Variants in ITGA11 observed in about 807,000 individuals in gnomAD.
The protein encoded by ITGA11 is integrin alpha-11.
In ITGA11, 97 loss-of-function variants were observed where a neutral mutation model predicts 141.9. The observed-to-expected ratio is 0.68, with a 90% confidence interval of 0.58 to 0.81. The LOEUF (loss-of-function observed/expected upper bound fraction) is 0.81. Ranked by LOEUF, ITGA11 falls within the 30% of genes least tolerant of loss-of-function variation. The probability of loss-of-function intolerance (pLI) is 0.00; values close to 1 mark genes in which losing one functional copy is unlikely to be tolerated. For synonymous variants in ITGA11, 658 were observed against 624.6 expected (o/e 1.05, Z -0.80); for missense variants, 1,387 against 1,559.2 (o/e 0.89, Z 1.86).
chr15:68,411,912 C>T (rs557854190), intron 1 of ITGA11, among the ~76,000 whole-genome samples: 43 of 152,062 alleles, frequency 2.8e-4, no homozygotes, highest in African/African-American at 8.9e-4. Context: ...GAGAGATATT[C>T]GGAGCAGAGC....
intron 2 of ITGA11, among the ~76,000 whole-genome samples, chr15:68,393,445 A>C (rs1376305414): frequency 6.6e-6 from 1 of 152,208 alleles, no homozygotes; most frequent in Non-Finnish European, 1.5e-5. Context: ...CAAACTGCTG[A>C]CATTAAAGGC....
chr15:68,362,901 T>C (rs1479934941), intron 4 of ITGA11, among the ~76,000 whole-genome samples: 3 of 151,694 alleles, frequency 2.0e-5, no homozygotes, highest in East Asian at 1.9e-4. Flanking sequence ...GGATGATAGA[T>C]GGTTGATGGA....
At chr15:68,406,045 G>C (rs1248447927) in intron 1 of ITGA11, among the ~76,000 whole-genome samples, 1 of 152,160 alleles carries the variant, frequency 6.6e-6, no homozygotes, top group Non-Finnish European at 1.5e-5. Flanking sequence ...GAAAAGGAAA[G>C]TATGTTCTAG....
intron 1 of ITGA11, among the ~76,000 whole-genome samples, chr15:68,404,776 T>G (rs1248523316): frequency 6.6e-6 from 1 of 152,174 alleles, no homozygotes; most frequent in South Asian, 2.1e-4. Context: ...ACGCATTAAA[T>G]TTGAGGGGTG....
intron 21 of ITGA11, among the ~76,000 whole-genome samples, chr15:68,316,734 G>A (rs1037705033): frequency 3.3e-5 from 5 of 152,284 alleles, no homozygotes; most frequent in East Asian, 3.9e-4. Flanking sequence ...CCTCAATTAG[G>A]TCTCCTACTC....
chr15:68,309,474 T>G (rs1893307430), intron 26 of ITGA11, among the ~76,000 whole-genome samples: 1 of 152,138 alleles, frequency 6.6e-6, no homozygotes, highest in Admixed American at 6.5e-5. Flanking sequence ...AATTAAATTT[T>G]ACTTCTCAAC....
chr15:68,310,087 T>C (rs747897320), intron 26 of ITGA11, among the ~76,000 whole-genome samples: 2 of 152,132 alleles, frequency 1.3e-5, no homozygotes, highest in Non-Finnish European at 2.9e-5. Context: ...ACAATCAAAA[T>C]AAAAATAAAT....
chr15:68,350,530 G>T, intron 9 of ITGA11, 87 bp downstream of exon 9: 1 of 1,323,856 alleles, frequency 7.6e-7, no homozygotes, highest in South Asian at 1.5e-5. Flanking sequence ...AAGCCATTTC[G>T]TTTTGTGGGA....
Position 68,338,591 on chromosome 15 carries a change from T to C in ITGA11, c.1276+909A>G, listed in dbSNP as rs560907240. ...ATTTTGCCCTTTTGTCAGCTGAGGG[T>C]CCCATGGTTGGGGATAGAAAACAGG... On this transcript the variant is annotated intron_variant, in intron 11 of 29. Transcript: ENST00000315757. Among the ~76,000 whole-genome samples, 101 of 152,336 alleles carry C rather than the reference T, an allele frequency of 6.6e-4. 1 individual carries two copies. The highest frequency in any genetic ancestry group is 1.3e-3 in the Non-Finnish European group (87 of 68,022).
At chr15:68,407,960 G>A (rs919324967) in intron 1 of ITGA11, among the ~76,000 whole-genome samples, 7 of 152,218 alleles carry the variant, frequency 4.6e-5, no homozygotes, top group Non-Finnish European at 7.3e-5. Flanking sequence ...CTTAAGGAGC[G>A]TCTGCTGTGC....
At chr15:68,337,717 C>A (rs1202446192) in intron 11 of ITGA11, among the ~76,000 whole-genome samples, 2 of 137,236 alleles carry the variant, frequency 1.5e-5, no homozygotes, top group Non-Finnish European at 3.2e-5. Context: ...CAGATATGTT[C>A]AGCTCCCTGT....
chr15:68,329,078 C>T (rs1894074223), intron 15 of ITGA11, among the ~76,000 whole-genome samples: 1 of 152,210 alleles, frequency 6.6e-6, no homozygotes, highest in African/African-American at 2.4e-5. Context: ...TGCCAATACT[C>T]TGTTCTTCTT....
At chr15:68,376,701 G>C (rs750031908) in intron 2 of ITGA11, among the ~76,000 whole-genome samples, 31 of 152,352 alleles carry the variant, frequency 2.0e-4, no homozygotes, top group Non-Finnish European at 3.8e-4. Context: ...GCAGGGGAAG[G>C]CAAGGTCATT....
chr15:68,315,514 C>T (rs1893542013), intron 22 of ITGA11, 137 bp downstream of exon 22: 1 of 765,374 alleles, frequency 1.3e-6, no homozygotes, highest in East Asian at 2.7e-5. Context: ...ACCCCACTGC[C>T]TCCACTCAAG....
At chr15:68,371,607 A>G (rs1446215562) in intron 2 of ITGA11, among the ~76,000 whole-genome samples, 1 of 152,068 alleles carries the variant, frequency 6.6e-6, no homozygotes, top group East Asian at 1.9e-4. Context: ...AATCCCAGTT[A>G]CTTGGGAGGC....
At chr15:68,360,734 C>T (rs2140347156) in intron 5 of ITGA11, among the ~76,000 whole-genome samples, 1 of 152,288 alleles carries the variant, frequency 6.6e-6, no homozygotes, top group Admixed American at 6.5e-5. Flanking sequence ...CCTCCTGTGC[C>T]CTGGCTCTGC....
intron 10 of ITGA11, among the ~76,000 whole-genome samples, chr15:68,348,121 G>C (rs1894795849): frequency 6.6e-6 from 1 of 152,188 alleles, no homozygotes; most frequent in Non-Finnish European, 1.5e-5. Context: ...GCAGTCCTGG[G>C]AGGCTCCAGC....
At chr15:68,388,909 T>C (rs371737067) in intron 2 of ITGA11, among the ~76,000 whole-genome samples, 2 of 152,220 alleles carry the variant, frequency 1.3e-5, no homozygotes, top group Admixed American at 6.5e-5. Flanking sequence ...AGGAACTCCA[T>C]GGTAGGATCA....
intron 1 of ITGA11, among the ~76,000 whole-genome samples, chr15:68,412,325 G>A (rs1362143941): frequency 6.6e-6 from 1 of 152,162 alleles, no homozygotes; most frequent in Non-Finnish European, 1.5e-5. Flanking sequence ...ACATTAGGCA[G>A]AGCTGGGCCC....
Sources: allele counts gnomAD v4.1 joint callset (sites outside exome capture counted in the v4.1 genomes callset), GRCh38; gene constraint gnomAD v4.1.1; transcripts MANE v1.5; gene names NCBI Gene and HGNC (gene_info 2026-07-23, HGNC 2026-07-21).